Variants in UNC13B observed in about 807,000 individuals in gnomAD.
The protein encoded by UNC13B is protein unc-13 homolog B.
A neutral mutation model predicts 211.0 loss-of-function variants in UNC13B; 144 were observed. The observed-to-expected ratio is 0.68, with a 90% CI of 0.60 to 0.78. The LOEUF (loss-of-function observed/expected upper bound fraction) is 0.78, where lower values mean the gene tolerates loss of function less well. Ranked by LOEUF, UNC13B falls within the 30% of genes least tolerant of loss-of-function variation. The probability of loss-of-function intolerance (pLI) is 0.00; values close to 1 mark genes in which losing one functional copy is unlikely to be tolerated. For missense variants in UNC13B, 1,777 were observed against 2,002.0 expected (o/e 0.89, Z 2.14); for synonymous variants, 709 against 725.8 (o/e 0.98, Z 0.37).
intron 1 of UNC13B, among the ~76,000 whole-genome samples, chr9:35,181,257 T>G (rs1172945555): frequency 6.6e-6 from 1 of 152,204 alleles, no homozygotes; most frequent in African/African-American, 2.4e-5. Flanking sequence ...TTAAAATCCT[T>G]TATCTTTGTT....
chr9:35,384,349 A>C (rs1377643984), intron 22 of UNC13B, 35 bp downstream of exon 22: 3 of 1,608,342 alleles, frequency 1.9e-6, no homozygotes, highest in Non-Finnish European at 1.7e-6. Context: ...AGGATAATAG[A>C]TATCAAGCAC....
chr9:35,352,350 A>G, intron 11 of UNC13B: 1 of 1,232,178 alleles, frequency 8.1e-7, no homozygotes, highest in Non-Finnish European at 1.0e-6. Flanking sequence ...ACTGTTGTGA[A>G]GCTTGCCCAT....
chr9:35,402,072 T>G (rs910261649), intron 37 of UNC13B: 168 of 1,473,148 alleles, frequency 1.1e-4, no homozygotes, highest in Non-Finnish European at 2.3e-5. Flanking sequence ...GGAGCTAGAA[T>G]GAGCAACTCG....
At chr9:35,321,802 C>T (rs942216753) in intron 11 of UNC13B, among the ~76,000 whole-genome samples, 3 of 152,034 alleles carry the variant, frequency 2.0e-5, no homozygotes, top group African/African-American at 7.2e-5. Context: ...CACTCGGCTT[C>T]AGGGGTATAT....
rs568306939 is a variant in UNC13B at position 35,242,957 on chromosome 9, G to A, written c.395-334G>A. ...GTCTTGCTGAGGGGAAGGTAGTATGGTTACATAGAAAGAATGTAGTTTTTG... is the reference window on the plus strand; with the variant it reads ...GTCTTGCTGAGGGGAAGGTAGTATGATTACATAGAAAGAATGTAGTTTTTG... On this transcript the variant is annotated intron_variant, in intron 5 of 39. Coordinates refer to ENST00000635942, the MANE Select transcript of UNC13B (RefSeq NM_001371189.2). Among the ~76,000 whole-genome samples, 5 of 152,184 alleles carry A rather than the reference G, an allele frequency of 3.3e-5. No homozygotes were observed. The East Asian group carries it at 7.7e-4, about 24-fold the overall frequency.
chr9:35,244,647 GTGTC>G (rs879371274), intron 6 of UNC13B, among the ~76,000 whole-genome samples: 1 of 152,066 alleles, frequency 6.6e-6, no homozygotes, highest in Non-Finnish European at 1.5e-5. Context: ...GCCTCCCTGT[GTGTC>G]TGTCTGTGTC....
At chr9:35,190,801 A>G (rs1210238647) in intron 1 of UNC13B, among the ~76,000 whole-genome samples, 1 of 152,148 alleles carries the variant, frequency 6.6e-6, no homozygotes, top group Non-Finnish European at 1.5e-5. Context: ...TAAGCTGAGC[A>G]CTCTTTCAGA....
At chr9:35,199,725 A>G (rs1426703145) in intron 1 of UNC13B, among the ~76,000 whole-genome samples, 1 of 152,174 alleles carries the variant, frequency 6.6e-6, no homozygotes, top group African/African-American at 2.4e-5. Flanking sequence ...GGTTCTTTGT[A>G]GATTCTGGAT....
At chr9:35,187,912 C>T (rs1260124399) in intron 1 of UNC13B, among the ~76,000 whole-genome samples, 3 of 152,138 alleles carry the variant, frequency 2.0e-5, no homozygotes, top group Non-Finnish European at 4.4e-5. Flanking sequence ...TAGATTGACT[C>T]CTTAAATAGT....
intron 6 of UNC13B, among the ~76,000 whole-genome samples, chr9:35,257,793 C>A (rs1450497412): frequency 6.6e-6 from 1 of 151,848 alleles, no homozygotes; most frequent in Non-Finnish European, 1.5e-5. Context: ...TATTTTGGAT[C>A]CCAACCATTT....
chr9:35,240,403 T>C (rs970638445), intron 5 of UNC13B, among the ~76,000 whole-genome samples: 6 of 152,204 alleles, frequency 3.9e-5, no homozygotes, highest in Non-Finnish European at 2.9e-5. Flanking sequence ...AAAAATGACA[T>C]GATTTTCCAG....
intron 7 of UNC13B, among the ~76,000 whole-genome samples, chr9:35,280,540 A>G (rs1046199660): frequency 1.3e-5 from 2 of 152,176 alleles, no homozygotes; most frequent in Admixed American, 6.5e-5. Context: ...CACAGGGAGT[A>G]TTATTTTAGT....
intron 11 of UNC13B, among the ~76,000 whole-genome samples, chr9:35,318,951 C>A (rs1361000466): frequency 2.0e-5 from 3 of 152,080 alleles, no homozygotes; most frequent in Admixed American, 1.3e-4. Flanking sequence ...ACCTGGAACA[C>A]TGCCAGTCAC....
chr9:35,195,196 C>T (rs1028779669), intron 1 of UNC13B, among the ~76,000 whole-genome samples: 1 of 152,186 alleles, frequency 6.6e-6, no homozygotes. Context: ...ATGATTGGCA[C>T]ACCTGCCAGC....
At chr9:35,403,337 C>T (rs1836453564) in intron 38 of UNC13B, 78 bp downstream of exon 38, 1 of 1,598,428 alleles carries the variant, frequency 6.3e-7, no homozygotes, top group Admixed American at 1.7e-5. Flanking sequence ...GGCTGCTCAT[C>T]CCAGCCCTCC....
chr9:35,203,840 A>G (rs934042271), intron 1 of UNC13B, among the ~76,000 whole-genome samples: 10 of 152,260 alleles, frequency 6.6e-5, no homozygotes, highest in Non-Finnish European at 1.0e-4. Flanking sequence ...CCCCATTTTC[A>G]GTGGAGGAAT....
At position 35,403,759 on chromosome 9, in the gene UNC13B, A is replaced by G. The variant is rs960263285; in HGVS notation, c.12749A>G (p.Asn4250Ser). 6.2e-6 allele frequency: 10 copies of G among 1,613,900 alleles called. No individual in the cohort carries two copies. The Admixed American group carries it at 8.3e-5, about 13-fold the overall frequency. Residue 4250 changes from asparagine (N) to serine (S), a missense_variant, in exon 40 of 40, where the codon AAT (asparagine) becomes AGT (serine). By Grantham distance (46) the Asn-to-Ser change is conservative. Coordinates refer to ENST00000635942, the MANE Select transcript of UNC13B (RefSeq NM_001371189.2). ...YNETFHFLLG[N>S]EEGPESYELQ... ...TCTTGTGCTCACAGCCTCCTGGGAA[A>G]TGAGGAGGGGCCCGAGTCCTATGAG...
intron 2 of UNC13B, among the ~76,000 whole-genome samples, chr9:35,228,703 AGTGTGTGTGTGTGTGT>A (rs56971215): frequency 1.2e-4 from 17 of 140,600 alleles, no homozygotes; most frequent in East Asian, 6.3e-4. Context: ...ACATCATGAA[AGTGTGTGTGTGTGTGT>A]GTGTGTGTGT....
rs747567576 is a variant in UNC13B, at chr9:35,310,761, CTTCCTAGG to C, written c.9305_9312del (p.Phe3102SerfsTer7). The C allele has an allele frequency of 1.9e-6, 3 of 1,613,720 alleles. No homozygotes were observed. In the Admixed American group the frequency reaches 5.0e-5, roughly 27 times the overall value. On this transcript the variant is annotated frameshift_variant, in exon 10 of 40. Coordinates refer to ENST00000635942, the MANE Select transcript of UNC13B (RefSeq NM_001371189.2). LOFTEE classifies it high-confidence loss of function. ...CAGATCTGGTGCTGCAAAAAGACCA[CTTCCTAGG>C]TCCCCAGGAGAGGTAGGCAACAGCT... is the stretch of plus-strand genomic sequence containing the variant.
Sources: allele counts gnomAD v4.1 joint callset (sites outside exome capture counted in the v4.1 genomes callset), GRCh38; gene constraint gnomAD v4.1.1; transcripts MANE v1.5; gene names NCBI Gene and HGNC (gene_info 2026-07-23, HGNC 2026-07-21).